The following UBE2E2 variants were observed in gnomAD, a reference collection of about 807,000 sequenced individuals.
UBE2E2 encodes ubiquitin conjugating enzyme E2 E2, also known as ubiquitin-conjugating enzyme E2 E2.
Under a neutral mutation model 24.7 loss-of-function variants are expected in UBE2E2, and 6 were observed. That is an observed-to-expected ratio of 0.24 (90% CI 0.13 to 0.48). UBE2E2 has a LOEUF of 0.48. UBE2E2 is among the 20% of genes least tolerant of loss of function. The probability of loss-of-function intolerance (pLI) is 0.99; values close to 1 mark genes in which losing one functional copy is unlikely to be tolerated. For missense variants in UBE2E2, 169 were observed against 245.0 expected (o/e 0.69, Z 2.07); for synonymous variants, 104 against 83.6 (o/e 1.24, Z -1.33).
chr3:23,580,665 A>G (rs550862886), intron 5 of UBE2E2, among the ~76,000 whole-genome samples: 1 of 152,330 alleles, frequency 6.6e-6, no homozygotes, highest in East Asian at 1.9e-4. Context: ...GAACAAACAA[A>G]TCAGAGATGG....
intron 3 of UBE2E2, among the ~76,000 whole-genome samples, chr3:23,338,766 AGTG>A (rs768327661): frequency 6.6e-6 from 1 of 152,224 alleles, no homozygotes; most frequent in Non-Finnish European, 1.5e-5. Context: ...TAAAATAAAA[AGTG>A]GTATCCAGAT....
intron 3 of UBE2E2, among the ~76,000 whole-genome samples, chr3:23,396,331 G>GTATA (rs58629417): frequency 0.32 from 46,410 of 142,834 alleles, 7,590 homozygotes; most frequent in South Asian, 0.44. Flanking sequence ...ATATATATAC[G>GTATA]TATATATATA....
intron 5 of UBE2E2, among the ~76,000 whole-genome samples, chr3:23,561,577 AC>A (rs1695930341): frequency 6.6e-6 from 1 of 151,586 alleles, no homozygotes; most frequent in Non-Finnish European, 1.5e-5. Flanking sequence ...TTCCATATGA[AC>A]TTTAAAGTAG....
intron 3 of UBE2E2, among the ~76,000 whole-genome samples, chr3:23,312,264 A>G (rs1222883157): frequency 6.6e-6 from 1 of 152,150 alleles, no homozygotes; most frequent in East Asian, 1.9e-4. Context: ...CCAGACTCGG[A>G]TATTTCTTTA....
intron 5 of UBE2E2, among the ~76,000 whole-genome samples, chr3:23,540,527 C>T (rs1695371451): frequency 6.6e-6 from 1 of 152,092 alleles, no homozygotes; most frequent in African/African-American, 2.4e-5. Context: ...GCCTTAGCCT[C>T]CTGAGTAGCT....
At chr3:23,360,627 A>G (rs896272039) in intron 3 of UBE2E2, among the ~76,000 whole-genome samples, 3 of 152,146 alleles carry the variant, frequency 2.0e-5, no homozygotes, top group Non-Finnish European at 2.9e-5. Flanking sequence ...TTTTCCAGTT[A>G]ATACTTCATT....
intron 5 of UBE2E2, 84 bp downstream of exon 5, chr3:23,532,785 T>A: frequency 1.7e-6 from 2 of 1,209,002 alleles, no homozygotes; most frequent in Non-Finnish European, 2.2e-6. Context: ...CTACTGCTAC[T>A]ACCACTACCA....
chr3:23,585,009 C>T (rs1696585490), intron 5 of UBE2E2, among the ~76,000 whole-genome samples: 1 of 152,092 alleles, frequency 6.6e-6, no homozygotes, highest in African/African-American at 2.4e-5. Flanking sequence ...GTATGTTCCC[C>T]TTCATCAGTG....
At chr3:23,397,950 C>G (rs1041253114) in intron 3 of UBE2E2, among the ~76,000 whole-genome samples, 1 of 152,102 alleles carries the variant, frequency 6.6e-6, no homozygotes, top group Admixed American at 6.5e-5. Flanking sequence ...TAAATACTAT[C>G]ATTTTTCTCC....
intron 5 of UBE2E2, among the ~76,000 whole-genome samples, chr3:23,566,218 T>C (rs558620784): frequency 1.3e-5 from 2 of 152,330 alleles, no homozygotes; most frequent in South Asian, 2.1e-4. Flanking sequence ...AAGACAATAG[T>C]ATGATAAGAA....
chr3:23,522,801 A>G (rs1177557435), intron 4 of UBE2E2, among the ~76,000 whole-genome samples: 1 of 152,216 alleles, frequency 6.6e-6, no homozygotes, highest in Non-Finnish European at 1.5e-5. Flanking sequence ...TATATGGTAC[A>G]GTCTAGTCTC....
intron 3 of UBE2E2, among the ~76,000 whole-genome samples, chr3:23,316,476 A>G (rs1694582708): frequency 6.6e-6 from 1 of 151,806 alleles, no homozygotes; most frequent in South Asian, 2.1e-4. Context: ...CTTGTGGTGA[A>G]TGCTGCCACA....
intron 3 of UBE2E2, among the ~76,000 whole-genome samples, chr3:23,327,133 T>C (rs1694922314): frequency 6.6e-6 from 1 of 152,208 alleles, no homozygotes; most frequent in Non-Finnish European, 1.5e-5. Flanking sequence ...GCAATAAACA[T>C]ACATGTGCAT....
At chr3:23,332,688 TG>T (rs1695094872) in intron 3 of UBE2E2, among the ~76,000 whole-genome samples, 1 of 147,876 alleles carries the variant, frequency 6.8e-6, no homozygotes, top group African/African-American at 2.5e-5. Flanking sequence ...TGTGTGTGTG[TG>T]TGTGTGTGTG....
At chr3:23,542,112 C>T (rs536351366) in intron 5 of UBE2E2, among the ~76,000 whole-genome samples, 5 of 152,256 alleles carry the variant, frequency 3.3e-5, no homozygotes, top group South Asian at 2.1e-4. Flanking sequence ...TGAATAACCC[C>T]GCATCACTGG....
At chr3:23,259,773 T>C (rs1697848132) in intron 3 of UBE2E2, among the ~76,000 whole-genome samples, 1 of 152,192 alleles carries the variant, frequency 6.6e-6, no homozygotes, top group African/African-American at 2.4e-5. Flanking sequence ...CAGTGTAAGA[T>C]TTTAAGGTAA....
intron 3 of UBE2E2, among the ~76,000 whole-genome samples, chr3:23,251,678 C>G (rs1043091143): frequency 2.0e-5 from 3 of 152,152 alleles, no homozygotes; most frequent in Non-Finnish European, 2.9e-5. Flanking sequence ...TTAACATATT[C>G]AAACCATAAA....
intron 3 of UBE2E2, among the ~76,000 whole-genome samples, chr3:23,377,496 G>A (rs1696551402): frequency 6.6e-6 from 1 of 152,188 alleles, no homozygotes; most frequent in African/African-American, 2.4e-5. Flanking sequence ...AAAGCCAGTG[G>A]CAGAGCCAGG....
At chr3:23,349,475 C>T (rs1228801143) in intron 3 of UBE2E2, among the ~76,000 whole-genome samples, 1 of 152,166 alleles carries the variant, frequency 6.6e-6, no homozygotes, top group Non-Finnish European at 1.5e-5. Context: ...GTTCCCTTTC[C>T]CAGTCAAAGA....
Sources: allele counts gnomAD v4.1 joint callset (sites outside exome capture counted in the v4.1 genomes callset), GRCh38; gene constraint gnomAD v4.1.1; transcripts MANE v1.5; gene names NCBI Gene and HGNC (gene_info 2026-07-23, HGNC 2026-07-21).